The following METTL24 variants were observed in gnomAD, a reference collection of about 807,000 sequenced individuals.
METTL24 encodes methyltransferase like 24.
A neutral mutation model predicts 32.7 loss-of-function variants in METTL24; 29 were observed. The ratio of observed to expected loss-of-function variants is 0.89; its 90% CI spans 0.66 to 1.21. METTL24 has a LOEUF of 1.21. Ranked by LOEUF, METTL24 falls within the 50% of genes most tolerant of loss-of-function variation. The pLI is 0.00. For synonymous variants in METTL24, 163 were observed against 179.5 expected (o/e 0.91, Z 0.73); for missense variants, 439 against 468.1 (o/e 0.94, Z 0.57).
intron 4 of METTL24, among the ~76,000 whole-genome samples, chr6:110,266,046 G>A (rs148780662): frequency 1.3e-5 from 2 of 152,004 alleles, no homozygotes; most frequent in African/African-American, 4.8e-5. Flanking sequence ...GACTATAGGT[G>A]CATACCACCA....
intron 4 of METTL24, among the ~76,000 whole-genome samples, chr6:110,271,757 T>C (rs1045838010): frequency 6.6e-6 from 1 of 152,236 alleles, no homozygotes; most frequent in South Asian, 2.1e-4. Context: ...TAGCTAAATA[T>C]AAAGTATTTA....
intron 4 of METTL24, among the ~76,000 whole-genome samples, chr6:110,259,445 G>A (rs1253564418): frequency 6.6e-6 from 1 of 152,228 alleles, no homozygotes; most frequent in Non-Finnish European, 1.5e-5. Flanking sequence ...GCCGAAGCTT[G>A]AGTAGGTAAA....
chr6:110,357,983 C>T lies in METTL24; in HGVS notation c.290G>A (p.Cys97Tyr). ...CCGGCGGGGGCGCCCGCGCGGGGCA[C>T]AGCAGCCAGGCTCCGGCGTCCCGCT... ...GGSGTPEPGC[C>Y]APRGRPRRKG... Residue 97 changes from cysteine (C) to tyrosine (Y), a missense_variant, in exon 1 of 5, where the codon TGT (cysteine) becomes TAT (tyrosine). Coordinates refer to ENST00000338882, the MANE Select transcript of METTL24 (RefSeq NM_001123364.3). 2.5e-6 allele frequency: 3 copies of T among 1,181,692 alleles called. No homozygotes were observed. The highest frequency in any genetic ancestry group is 3.6e-5 in the East Asian group (1 of 27,666). The allele number at this position is 1,181,692 out of a possible 1,614,324, so 73.2% of individuals were successfully genotyped here.
chr6:110,247,369 C>A (rs1778186695), intron 4 of METTL24, among the ~76,000 whole-genome samples: 1 of 152,150 alleles, frequency 6.6e-6, no homozygotes, highest in South Asian at 2.1e-4. Flanking sequence ...GTGTTCTTAA[C>A]CCTTACCTAA....
At chr6:110,271,574 A>G (rs1162173383) in intron 4 of METTL24, among the ~76,000 whole-genome samples, 2 of 152,304 alleles carry the variant, frequency 1.3e-5, no homozygotes, top group East Asian at 3.9e-4. Context: ...ATTTTCACCC[A>G]CACATACATT....
chr6:110,320,045 C>A (rs1451417841), intron 2 of METTL24, among the ~76,000 whole-genome samples: 1 of 152,146 alleles, frequency 6.6e-6, no homozygotes, highest in Non-Finnish European at 1.5e-5. Context: ...CAAGGCCTGG[C>A]ACAGTGCCAG....
At chr6:110,310,573 A>T (rs898793404) in intron 3 of METTL24, among the ~76,000 whole-genome samples, 1 of 152,090 alleles carries the variant, frequency 6.6e-6, no homozygotes, top group East Asian at 1.9e-4. Context: ...TCTCCATAAT[A>T]TGTATCTTTT....
At chr6:110,290,948 C>G (rs1771307953) in intron 4 of METTL24, among the ~76,000 whole-genome samples, 1 of 152,118 alleles carries the variant, frequency 6.6e-6, no homozygotes, top group Non-Finnish European at 1.5e-5. Flanking sequence ...TTTCATTACC[C>G]TAATAACTAA....
At chr6:110,287,772 A>AG (rs1260962041) in intron 4 of METTL24, among the ~76,000 whole-genome samples, 1 of 152,216 alleles carries the variant, frequency 6.6e-6, no homozygotes, top group East Asian at 1.9e-4. Context: ...GTATAGTTCC[A>AG]GAGTGCCTGC....
At chr6:110,349,698 G>A (rs142749375) in intron 1 of METTL24, among the ~76,000 whole-genome samples, 75 of 152,298 alleles carry the variant, frequency 4.9e-4, no homozygotes, top group African/African-American at 1.4e-3. Context: ...CTTGGGCCCC[G>A]ATCACCATGT....
chr6:110,300,310 G>A, intron 3 of METTL24, among the ~76,000 whole-genome samples: 1 of 151,948 alleles, frequency 6.6e-6, no homozygotes, highest in East Asian at 1.9e-4. Flanking sequence ...ACGGAGGGAT[G>A]ACTGACTATT....
chr6:110,259,164 G>A (rs937291238), intron 4 of METTL24, among the ~76,000 whole-genome samples: 4 of 152,134 alleles, frequency 2.6e-5, no homozygotes, highest in African/African-American at 9.7e-5. Flanking sequence ...AAAGCAGGGT[G>A]AGGCATCGCC....
intron 4 of METTL24, among the ~76,000 whole-genome samples, chr6:110,292,286 A>G (rs964125155): frequency 2.6e-5 from 4 of 152,266 alleles, no homozygotes; most frequent in Non-Finnish European, 2.9e-5. Flanking sequence ...TGCATTTGCA[A>G]TGTGATAGAT....
At chr6:110,303,568 GC>G (rs1771575847) in intron 3 of METTL24, among the ~76,000 whole-genome samples, 1 of 152,202 alleles carries the variant, frequency 6.6e-6, no homozygotes, top group Admixed American at 6.5e-5. Flanking sequence ...ACTGGGCAGA[GC>G]CCACCACGGC....
At chr6:110,302,885 A>C (rs978669752) in intron 3 of METTL24, among the ~76,000 whole-genome samples, 6 of 152,190 alleles carry the variant, frequency 3.9e-5, no homozygotes, top group African/African-American at 1.4e-4. Context: ...ATGGCTGAAT[A>C]GAAAGAGCTC....
intron 4 of METTL24, among the ~76,000 whole-genome samples, chr6:110,278,511 T>C (rs4947060): frequency 0.22 from 34,144 of 152,150 alleles, 5,696 homozygotes; most frequent in African/African-American, 0.48. Context: ...TCCTCAAATA[T>C]GTATTCTTTA....
chr6:110,343,366 A>G (rs1772400516), intron 1 of METTL24, among the ~76,000 whole-genome samples: 1 of 152,248 alleles, frequency 6.6e-6, no homozygotes, highest in South Asian at 2.1e-4. Context: ...CTTAATAATA[A>G]GAACAATGAA....
At chr6:110,349,005 T>C (rs749494876) in intron 1 of METTL24, among the ~76,000 whole-genome samples, 32 of 152,252 alleles carry the variant, frequency 2.1e-4, no homozygotes, top group Non-Finnish European at 3.7e-4. Context: ...TGCTTCATTT[T>C]AGATCTCGGT....
At chr6:110,293,872 G>GT (rs898604042) in intron 4 of METTL24, among the ~76,000 whole-genome samples, 9 of 150,546 alleles carry the variant, frequency 6.0e-5, no homozygotes, top group East Asian at 3.9e-4. Context: ...AAAATGTGCA[G>GT]TTTTTTTTTA....
Sources: gnomAD v4.1 joint callset for allele counts (sites outside exome capture counted in the v4.1 genomes callset) on GRCh38, gnomAD v4.1.1 for gene constraint, MANE v1.5 for transcripts, NCBI Gene and HGNC (gene_info 2026-07-23, HGNC 2026-07-21) for gene names.